The following KATNIP variants were observed in gnomAD, a reference collection of about 807,000 sequenced individuals.
The protein encoded by KATNIP is katanin interacting protein.
In KATNIP, 126 loss-of-function variants were observed where a neutral mutation model predicts 174.0. That is an observed-to-expected ratio of 0.72 (90% CI 0.63 to 0.84). KATNIP has a LOEUF of 0.84. Ranked by LOEUF, KATNIP falls within the 40% of genes least tolerant of loss-of-function variation. The probability of loss-of-function intolerance (pLI) is 0.00; values close to 1 mark genes in which losing one functional copy is unlikely to be tolerated. For missense variants in KATNIP, 1,958 were observed against 2,109.7 expected (o/e 0.93, Z 1.41); for synonymous variants, 810 against 835.7 (o/e 0.97, Z 0.53).
chr16:27,602,676 G>C lies in KATNIP; in HGVS notation c.64-15749G>C, dbSNP rs149667855. 2.2e-4 allele frequency among the ~76,000 whole-genome samples: 33 copies of C among 152,254 alleles called. 1 individual carries two copies. Among genetic ancestry groups the C allele is most frequent in the Admixed American group, 6.5e-4 (10 of 15,280 alleles). On this transcript the variant is annotated intron_variant, in intron 2 of 27. Transcript: ENST00000261588. ...AATCAGCCTTCCTAAAAAGCTGGAGGCTAGAGTTTTTGGGTTTTCCTCTTC... is the reference window on the plus strand; with the variant it reads ...AATCAGCCTTCCTAAAAAGCTGGAGCCTAGAGTTTTTGGGTTTTCCTCTTC...
chr16:27,574,830 C>T (rs995699589), intron 2 of KATNIP, among the ~76,000 whole-genome samples: 2 of 152,160 alleles, frequency 1.3e-5, no homozygotes, highest in Non-Finnish European at 1.5e-5. Flanking sequence ...GGATTACAGG[C>T]GTGAGCCACC....
intron 2 of KATNIP, among the ~76,000 whole-genome samples, chr16:27,618,044 C>T (rs2142059967): frequency 6.6e-6 from 1 of 152,208 alleles, no homozygotes; most frequent in South Asian, 2.1e-4. Flanking sequence ...GACCAAGATC[C>T]CCTTTTAAAC....
chr16:27,586,850 C>A lies in KATNIP; in HGVS notation c.63+12894C>A, dbSNP rs373840949. ...TCTCAAAAAAAAAAAAACAAAAAAA[C>A]AAAAAACAGAAACTGAAATAAGTAT... On this transcript the variant is annotated intron_variant, in intron 2 of 27. Transcript: ENST00000261588. Among the ~76,000 whole-genome samples, 1,365 of 147,280 alleles carry A rather than the reference C, an allele frequency of 9.3e-3. 21 individuals are homozygous for A. The highest frequency in any genetic ancestry group is 0.032 in the African/African-American group (1,298 of 40,212).
In KATNIP at chr16:27,721,598, C is replaced by T; in HGVS notation, c.1646C>T (p.Pro549Leu). The T allele has an allele frequency of 1.2e-6, 2 of 1,614,162 alleles. No individual in the cohort carries two copies. The highest frequency in any genetic ancestry group is 1.7e-6 in the Non-Finnish European group (2 of 1,180,008). The change falls in exon 14 of 28, where the codon CCA (proline) becomes CTA (leucine). Residue 549 changes from proline to leucine, a missense_variant. Around this residue, in one of 3 missense-constraint regions of KATNIP, gnomAD observed 1,557 missense variants for 1,617.8 expected, o/e 0.96. Coordinates refer to ENST00000261588, the MANE Select transcript of KATNIP (RefSeq NM_015202.5). ...DSSPWTCPFH[P>L]PLQLFFVIRN... ...TCCCCGTGGACCTGCCCCTTCCACC[C>T]ACCACTCCAGCTGTTTTTTGTTATT...
chr16:27,667,630 C>G lies in KATNIP; in HGVS notation c.541-10099C>G, dbSNP rs190051564. On this transcript the variant is annotated intron_variant, in intron 6 of 27. Transcript: ENST00000261588. ...GCCTGCATGTCAGTGATCTCTACCCCCAAGACTGCTGCTAGCTCTTGAGGA... is the reference window on the plus strand; with the variant it reads ...GCCTGCATGTCAGTGATCTCTACCCGCAAGACTGCTGCTAGCTCTTGAGGA... Among the ~76,000 whole-genome samples, 81 of 152,220 alleles carry G rather than the reference C, an allele frequency of 5.3e-4. 1 individual carries two copies. The South Asian group carries it at 0.014, about 26-fold the overall frequency.
In KATNIP at chr16:27,769,962, A is replaced by G. The variant is rs373831798; in HGVS notation, c.4077A>G (p.Gln1359=). 62 of 1,614,134 alleles carry G rather than the reference A, an allele frequency of 3.8e-5. No individual in the cohort carries two copies. Among genetic ancestry groups the G allele is most frequent in the Middle Eastern group, 1.6e-4 (1 of 6,084 alleles). ...GCAACTGCCACTTTGATTTTGCTCA[A>G]GAAATCCTCTTCGTGGACTACCTAC... The part of the protein sequence containing the change: ...GPGNCHFDFA[Q]EILFVDYLRA... The change falls in exon 21 of 28, where the codon CAA becomes CAG. Residue 1359 remains glutamine, a synonymous_variant. Transcript: ENST00000261588.
At chr16:27,717,331 T>G (rs752261446) in intron 13 of KATNIP, among the ~76,000 whole-genome samples, 1 of 152,212 alleles carries the variant, frequency 6.6e-6, no homozygotes, top group Non-Finnish European at 1.5e-5. Flanking sequence ...TGCAGGTTGC[T>G]ATTCAGTGTT....
At chr16:27,604,838 C>G (rs1430961419) in intron 2 of KATNIP, among the ~76,000 whole-genome samples, 1 of 152,214 alleles carries the variant, frequency 6.6e-6, no homozygotes, top group Non-Finnish European at 1.5e-5. Flanking sequence ...GTATTTATGT[C>G]TATGGTTACC....
At position 27,664,878 on chromosome 16, in the gene KATNIP, A is replaced by G. The variant is rs567575340; in HGVS notation, c.541-12851A>G. 5.9e-5 allele frequency among the ~76,000 whole-genome samples: 9 copies of G among 152,200 alleles called. No homozygotes were observed. In the East Asian group the frequency reaches 1.5e-3, roughly 26 times the overall value. ...TAGAAGGAGCAGTGTGTGCATGTGC[A>G]TGTGTAGGTGAGTTCAGCATCAAGA... On this transcript the variant is annotated intron_variant, in intron 6 of 27. Transcript: ENST00000261588.
intron 13 of KATNIP, among the ~76,000 whole-genome samples, chr16:27,719,864 G>T (rs1481722642): frequency 6.6e-6 from 1 of 151,386 alleles, no homozygotes; most frequent in South Asian, 2.1e-4. Context: ...TAGAGACAAG[G>T]TCTCTCTATA....
intron 2 of KATNIP, among the ~76,000 whole-genome samples, chr16:27,574,558 C>CTTTTTTTTTT (rs10708223): frequency 9.3e-4 from 50 of 53,510 alleles, no homozygotes; most frequent in South Asian, 3.2e-3. Flanking sequence ...ACTTTCTATT[C>CTTTTTTTTTT]TTTTTTTTTT....
At chr16:27,576,720 CTCT>C (rs2090511584) in intron 2 of KATNIP, among the ~76,000 whole-genome samples, 1 of 152,182 alleles carries the variant, frequency 6.6e-6, no homozygotes. Flanking sequence ...TTCCACCCAC[CTCT>C]TCTTTCTGCA....
chr16:27,607,683 C>A (rs1231885381), intron 2 of KATNIP, among the ~76,000 whole-genome samples: 1 of 151,266 alleles, frequency 6.6e-6, no homozygotes, highest in Non-Finnish European at 1.5e-5. Flanking sequence ...CCACAACCTC[C>A]GTCTCCCAGG....
At chr16:27,756,775 T>C (rs2143935053) in intron 18 of KATNIP, among the ~76,000 whole-genome samples, 1 of 152,362 alleles carries the variant, frequency 6.6e-6, no homozygotes, top group African/African-American at 2.4e-5. Context: ...TATTGGCTTA[T>C]GCAACTAGAA....
In KATNIP at chr16:27,751,855, G is replaced by C. The variant is rs751579771; in HGVS notation, c.3483G>C (p.Arg1161Ser). 6.2e-7 allele frequency: 1 copy of C among 1,614,020 alleles called. No homozygotes were observed. Among genetic ancestry groups the C allele is most frequent in the South Asian group, 1.1e-5 (1 of 91,066 alleles). Residue 1161 changes from arginine (R) to serine (S), a missense_variant, in exon 17 of 28, where the codon AGG becomes AGC. Arg to Ser is a moderately radical substitution (Grantham distance 110). Around this residue, in one of 3 missense-constraint regions of KATNIP, gnomAD observed 1,557 missense variants for 1,617.8 expected, o/e 0.96. Coordinates refer to ENST00000261588, the MANE Select transcript of KATNIP (RefSeq NM_015202.5). ...DSLQDEEAMR[R>S]PSTADGEGDE... ...TGCAGGATGAAGAGGCAATGAGGAG[G>C]CCCAGCACGGCCGACGGCGAGGGGG... is the stretch of plus-strand genomic sequence containing the variant.
intron 14 of KATNIP, among the ~76,000 whole-genome samples, chr16:27,733,534 A>G (rs1440370462): frequency 1.3e-5 from 2 of 151,428 alleles, no homozygotes; most frequent in Non-Finnish European, 2.9e-5. Context: ...AAAGAAGGAA[A>G]AAAAATATTC....
intron 15 of KATNIP, among the ~76,000 whole-genome samples, chr16:27,742,032 C>CAA (rs561087780): frequency 8.8e-5 from 10 of 113,570 alleles, no homozygotes; most frequent in African/African-American, 1.3e-4. Context: ...CTGTATATGT[C>CAA]AAAAAAAAAA....
intron 5 of KATNIP, chr16:27,632,619 C>T (rs535466219): frequency 3.8e-4 from 174 of 456,450 alleles, no homozygotes; most frequent in African/African-American, 3.1e-3. Context: ...TGGTCCCTTA[C>T]CAGGAAGAAA....
At chr16:27,760,836 T>A (rs535368039) in intron 18 of KATNIP, among the ~76,000 whole-genome samples, 1 of 152,246 alleles carries the variant, frequency 6.6e-6, no homozygotes, top group Non-Finnish European at 1.5e-5. Context: ...CATGGCAGGT[T>A]ATCAATGGAG....
Sources: allele counts gnomAD v4.1 joint callset (sites outside exome capture counted in the v4.1 genomes callset), GRCh38; gene constraint gnomAD v4.1.1; regional missense constraint gnomAD v4.1.1; transcripts MANE v1.5; gene names NCBI Gene and HGNC (gene_info 2026-07-23, HGNC 2026-07-21).